Variants in DMD observed in about 807,000 individuals in gnomAD.
DMD encodes dystrophin, also known as mutant dystrophin.
DMD carries 63 observed loss-of-function variants against 330.1 expected under a neutral mutation model. The observed-to-expected ratio is 0.19, with a 90% CI of 0.16 to 0.24. The LOEUF is 0.24. Ranked by LOEUF, DMD falls within the 10% of genes least tolerant of loss-of-function variation. DMD has a pLI of 1.00. For missense variants in DMD, 3,344 were observed against 2,684.1 expected (o/e 1.25, Z -5.43); for synonymous variants, 1,223 against 959.8 (o/e 1.27, Z -5.07).
chrX:31,177,279 T>C (rs888923643), intron 71 of DMD, among the ~76,000 whole-genome samples: 1 of 111,652 alleles, frequency 9.0e-6, no homozygotes, highest in Non-Finnish European at 1.9e-5. Flanking sequence ...AAAGAAATAC[T>C]TTCCTCCTAG....
At position 32,217,833 on chromosome X, in the gene DMD, G is replaced by A. The variant is rs147795443; in HGVS notation, c.6291-770C>T. 5.4e-3 allele frequency among the ~76,000 whole-genome samples: 596 copies of A among 111,220 alleles called. 3 individuals carry two copies. The highest frequency in any genetic ancestry group is 0.018 in the African/African-American group (555 of 30,681). On this transcript the variant is annotated intron_variant, in intron 43 of 78. Transcript: ENST00000357033. ...TATCACACCAATAAATCAATAATTC[G>A]TCACTATCATTAAAGATTCTGTCAA...
chrX:32,393,585 C>T (rs1446702782), intron 30 of DMD, among the ~76,000 whole-genome samples: 1 of 111,195 alleles, frequency 9.0e-6, no homozygotes, highest in Non-Finnish European at 1.9e-5. Flanking sequence ...TTAATAATCA[C>T]TATGTGTGTC....
intron 17 of DMD, among the ~76,000 whole-genome samples, chrX:32,529,154 T>A (rs1569138482): frequency 9.4e-6 from 1 of 106,369 alleles, no homozygotes; most frequent in East Asian, 3.0e-4. Flanking sequence ...CTCGATCTCC[T>A]GACCTTGTGA....
At chrX:31,162,956 G>C (rs1031673204) in intron 74 of DMD, among the ~76,000 whole-genome samples, 25 of 111,841 alleles carry the variant, frequency 2.2e-4, no homozygotes, top group Middle Eastern at 4.7e-3. Flanking sequence ...TGCCTGAGTA[G>C]AGCTGAGATG....
chrX:32,093,523 C>CG (rs1361479277), intron 44 of DMD, among the ~76,000 whole-genome samples: 6 of 111,403 alleles, frequency 5.4e-5, no homozygotes, highest in African/African-American at 2.0e-4. Context: ...ATTATTTTGT[C>CG]GAAAAACTAA....
At chrX:31,189,727 A>G (rs1209283709) in intron 67 of DMD, among the ~76,000 whole-genome samples, 2 of 112,409 alleles carry the variant, frequency 1.8e-5, no homozygotes, top group Non-Finnish European at 3.8e-5. Flanking sequence ...TGGGAATTCA[A>G]CTGCAATATG....
intron 44 of DMD, among the ~76,000 whole-genome samples, chrX:32,093,666 T>C (rs1166262229): frequency 9.0e-6 from 1 of 111,625 alleles, no homozygotes; most frequent in Non-Finnish European, 1.9e-5. Flanking sequence ...AGAAGCATAC[T>C]ATGTAGTATG....
At chrX:31,935,524 A>G (rs1375692437) in intron 45 of DMD, among the ~76,000 whole-genome samples, 3 of 111,346 alleles carry the variant, frequency 2.7e-5, no homozygotes, top group Non-Finnish European at 5.7e-5. Context: ...AAATGTTCCA[A>G]GCAGATTTAA....
At chrX:32,663,834 T>G (rs2061108433) in intron 9 of DMD, among the ~76,000 whole-genome samples, 1 of 110,505 alleles carries the variant, frequency 9.0e-6, no homozygotes, top group African/African-American at 3.3e-5. Flanking sequence ...TATGAGAGAG[T>G]AAGTCATGTG....
chrX:33,117,298 T>C (rs955216593), intron 1 of DMD, among the ~76,000 whole-genome samples: 1 of 110,905 alleles, frequency 9.0e-6, no homozygotes, highest in Admixed American at 9.7e-5. Context: ...ATGTACAGCA[T>C]GTTGACTATA....
At chrX:31,831,076 T>G (rs1436638371) in intron 49 of DMD, among the ~76,000 whole-genome samples, 1 of 112,554 alleles carries the variant, frequency 8.9e-6, no homozygotes, top group Middle Eastern at 4.6e-3. Flanking sequence ...AAGAAGCTTT[T>G]TCCAATGCCC....
Position 31,340,484 on chromosome X carries a change from T to C in DMD, c.9163+8072A>G, listed in dbSNP as rs1484414082. Reference sequence around the variant, plus strand: ...AAATGATGCAATAACTGTTTGTCTTTTGGTATCTTTTTATTTTCCATTTTT... The same window carrying C: ...AAATGATGCAATAACTGTTTGTCTTCTGGTATCTTTTTATTTTCCATTTTT... On this transcript the variant is annotated intron_variant, in intron 61 of 78. Transcript: ENST00000357033. 7.1e-5 allele frequency among the ~76,000 whole-genome samples: 8 copies of C among 112,506 alleles called. No homozygotes were observed. In the Admixed American group the frequency reaches 7.5e-4, roughly 11 times the overall value.
chrX:32,668,402 T>C (rs147755861), intron 9 of DMD, among the ~76,000 whole-genome samples: 5,218 of 112,057 alleles, frequency 0.047, 306 homozygotes, highest in African/African-American at 0.16. Flanking sequence ...GACTATTTAC[T>C]GATGTTTTTC....
At chrX:33,110,465 A>C in intron 1 of DMD, among the ~76,000 whole-genome samples, 1 of 111,529 alleles carries the variant, frequency 9.0e-6, no homozygotes, top group Middle Eastern at 4.7e-3. Flanking sequence ...TTATAAGCAT[A>C]ATAATTAATA....
At chrX:31,262,603 T>C (rs913880284) in intron 62 of DMD, among the ~76,000 whole-genome samples, 1 of 112,507 alleles carries the variant, frequency 8.9e-6, no homozygotes, top group Non-Finnish European at 1.9e-5. Context: ...TTTATTTCAG[T>C]TTTACTTTTC....
chrX:32,687,544 C>T (rs896736703), intron 9 of DMD, among the ~76,000 whole-genome samples: 4 of 110,522 alleles, frequency 3.6e-5, no homozygotes, highest in African/African-American at 1.3e-4. Flanking sequence ...CTCTTGGAAT[C>T]CAGCCAGCAT....
intron 62 of DMD, among the ~76,000 whole-genome samples, chrX:31,287,692 A>G (rs1013724857): frequency 8.9e-6 from 1 of 112,547 alleles, no homozygotes; most frequent in Non-Finnish European, 1.9e-5. Flanking sequence ...AGTCTCTACT[A>G]AAAGAGATTG....
intron 44 of DMD, among the ~76,000 whole-genome samples, chrX:32,075,595 C>A (rs963666641): frequency 1.8e-5 from 2 of 111,602 alleles, no homozygotes; most frequent in Non-Finnish European, 3.8e-5. Flanking sequence ...CAAGTTCCTA[C>A]AGATTCTCAA....
intron 61 of DMD, among the ~76,000 whole-genome samples, chrX:31,336,402 G>A (rs923917951): frequency 1.8e-5 from 2 of 112,167 alleles, no homozygotes; most frequent in Non-Finnish European, 3.8e-5. Flanking sequence ...TTTGCCCACA[G>A]AGGTGTGATC....
Sources: gnomAD v4.1 joint callset for allele counts (sites outside exome capture counted in the v4.1 genomes callset) on GRCh38, gnomAD v4.1.1 for gene constraint, MANE v1.5 for transcripts, NCBI Gene and HGNC (gene_info 2026-07-23, HGNC 2026-07-21) for gene names.